TARP: variants seen among roughly 807,000 people sequenced by gnomAD.
At chr7:38,270,088 G>C in the TARP span, among the ~76,000 whole-genome samples, 1 of 152,044 alleles carries the variant, frequency 6.6e-6, no homozygotes, top group Non-Finnish European at 1.5e-5. Flanking sequence ...GGCAACAGGG[G>C]AAGACCCTGC....
At chr7:38,268,143 T>C in the TARP span, among the ~76,000 whole-genome samples, 2 of 151,604 alleles carry the variant, frequency 1.3e-5, no homozygotes, top group Non-Finnish European at 2.9e-5. Flanking sequence ...GAGTTTTTTA[T>C]GGCCAAGTAT....
the TARP span, among the ~76,000 whole-genome samples, chr7:38,265,044 G>A: frequency 6.6e-6 from 1 of 151,142 alleles, no homozygotes; most frequent in Admixed American, 6.6e-5. Flanking sequence ...GTGTCACGTT[G>A]CTAGATGCTT....
the TARP span, among the ~76,000 whole-genome samples, chr7:38,270,707 C>A: frequency 6.6e-6 from 1 of 151,176 alleles, no homozygotes; most frequent in East Asian, 1.9e-4. Context: ...CACTTTAGAT[C>A]ACTACATGTT....
the TARP span, among the ~76,000 whole-genome samples, chr7:38,265,987 C>T: frequency 6.6e-6 from 1 of 151,420 alleles, no homozygotes; most frequent in Non-Finnish European, 1.5e-5. Context: ...TTAACTGCCT[C>T]CTACCAGGGC....
At chr7:38,262,295 C>T in the TARP span, 60 of 1,102,984 alleles carry the variant, frequency 5.4e-5, 1 homozygote, top group South Asian at 9.5e-5. Context: ...TAAAACCTGT[C>T]GACAGAGAGG....
At chr7:38,268,821 T>C in the TARP span, among the ~76,000 whole-genome samples, 2 of 151,594 alleles carry the variant, frequency 1.3e-5, no homozygotes, top group Non-Finnish European at 2.9e-5. Context: ...CTCTGGAGAA[T>C]TGCTGCTCTG....
At chr7:38,265,454 T>C in the TARP span, 1 of 1,611,770 alleles carries the variant, frequency 6.2e-7, no homozygotes, top group Non-Finnish European at 8.5e-7. Flanking sequence ...TCTGGCACCG[T>C]TAACCAGCTA....
the TARP span, chr7:38,269,465 A>C: frequency 2.4e-5 from 17 of 722,936 alleles, no homozygotes; most frequent in Admixed American, 2.2e-4. Context: ...ATTACCTTGG[A>C]AATGTTGTAT....
chr7:38,265,900 C>T, the TARP span, among the ~76,000 whole-genome samples: 1 of 151,628 alleles, frequency 6.6e-6, no homozygotes, highest in Non-Finnish European at 1.5e-5. Context: ...TGCCAAAAGT[C>T]ACAGCTCTCA....
the TARP span, among the ~76,000 whole-genome samples, chr7:38,261,147 G>A: frequency 3.3e-5 from 5 of 151,644 alleles, no homozygotes; most frequent in East Asian, 5.8e-4. Context: ...AAGAGCTGGA[G>A]TGAAAGTCCA....
At chr7:38,271,557 A>AT in the TARP span, among the ~76,000 whole-genome samples, 1 of 150,990 alleles carries the variant, frequency 6.6e-6, no homozygotes, top group African/African-American at 2.4e-5. Context: ...GGAAAAAAAA[A>AT]GGCAAAGAAA....
chr7:38,264,588 TC>T, the TARP span, among the ~76,000 whole-genome samples: 7 of 139,168 alleles, frequency 5.0e-5, no homozygotes, highest in African/African-American at 1.9e-4. Context: ...TGAAACTCTG[TC>T]AAAAAAAAAA....
chr7:38,272,012 CAT>C, the TARP span, among the ~76,000 whole-genome samples: 1 of 151,104 alleles, frequency 6.6e-6, no homozygotes, highest in African/African-American at 2.4e-5. Flanking sequence ...TTTTCTTAAA[CAT>C]AAATTTTCTC....
the TARP span, among the ~76,000 whole-genome samples, chr7:38,269,860 G>C: frequency 6.6e-6 from 1 of 152,010 alleles, no homozygotes; most frequent in Non-Finnish European, 1.5e-5. Flanking sequence ...AGCACTTTGG[G>C]AGGCTGAGGT....
chr7:38,268,009 T>G, the TARP span, among the ~76,000 whole-genome samples: 166 of 151,484 alleles, frequency 1.1e-3, no homozygotes, highest in Admixed American at 2.1e-3. Flanking sequence ...CTTCCAAAAC[T>G]TTCTCAACGT....
the TARP span, among the ~76,000 whole-genome samples, chr7:38,270,633 C>T: frequency 6.6e-6 from 1 of 151,628 alleles, no homozygotes; most frequent in African/African-American, 2.4e-5. Context: ...TGGCTTTACC[C>T]TTCAAGGCAG....
chr7:38,272,452 T>C, the TARP span, among the ~76,000 whole-genome samples: 113 of 144,790 alleles, frequency 7.8e-4, no homozygotes, highest in Middle Eastern at 3.4e-3. Context: ...GAAAAGAATG[T>C]TTATGAAGCA....
chr7:38,265,584 A>T, the TARP span: 1 of 1,612,222 alleles, frequency 6.2e-7, no homozygotes, highest in Non-Finnish European at 8.5e-7. Context: ...TCTCAAGAAG[A>T]CAAAGGTATG....
the TARP span, chr7:38,273,614 C>T: frequency 1.3e-6 from 2 of 1,598,008 alleles, no homozygotes; most frequent in East Asian, 2.2e-5. Context: ...GTTCCGGGAC[C>T]AAATACCTTG....
Sources: allele counts gnomAD v4.1 joint callset (sites outside exome capture counted in the v4.1 genomes callset), GRCh38; gene constraint gnomAD v4.1.1; transcripts MANE v1.5.